KIF24: variants seen among roughly 807,000 people sequenced by gnomAD.
KIF24 encodes the protein kinesin-like protein KIF24.
KIF24 carries 81 observed loss-of-function variants against 118.9 expected under a neutral mutation model. The observed-to-expected ratio is 0.68, with a 90% confidence interval of 0.57 to 0.82. KIF24 has a LOEUF of 0.82. KIF24 is among the 40% of genes least tolerant of loss of function. KIF24 has a pLI of 0.00. For synonymous variants in KIF24, 599 were observed against 610.0 expected, an observed-to-expected ratio of 0.98 and a Z score of 0.27; for missense variants, 1,560 against 1,661.6, an observed-to-expected ratio of 0.94 and a Z score of 1.06.
chr9:34,301,113 A>T (rs909696064), intron 3 of KIF24, among the ~76,000 whole-genome samples: 3 of 152,288 alleles, frequency 2.0e-5, no homozygotes, highest in African/African-American at 7.2e-5. Flanking sequence ...TAAACATGCA[A>T]GATTATTATA....
chr9:34,262,027 G>A (rs1400766888), intron 9 of KIF24, among the ~76,000 whole-genome samples: 3 of 152,094 alleles, frequency 2.0e-5, no homozygotes, highest in African/African-American at 4.8e-5. Context: ...TCAACCTCCA[G>A]GGCTCGAGTA....
At chr9:34,287,852 C>T (rs1157516427) in intron 5 of KIF24, among the ~76,000 whole-genome samples, 1 of 150,326 alleles carries the variant, frequency 6.7e-6, no homozygotes, top group Non-Finnish European at 1.5e-5. Flanking sequence ...GCTATGATTG[C>T]GCCTGTGAAT....
chr9:34,319,051 C>T (rs779448170), intron 1 of KIF24: 19 of 1,277,984 alleles, frequency 1.5e-5, no homozygotes, highest in Non-Finnish European at 1.1e-6. Context: ...AATTCCACCA[C>T]AAGATGGTGG....
intron 3 of KIF24, among the ~76,000 whole-genome samples, chr9:34,298,471 G>A (rs549471927): frequency 2.0e-5 from 3 of 151,844 alleles, no homozygotes; most frequent in South Asian, 2.1e-4. Flanking sequence ...GCTGGAACCC[G>A]GGAGGCAGAG....
At chr9:34,288,596 G>C (rs1341791667) in intron 5 of KIF24, among the ~76,000 whole-genome samples, 1 of 151,818 alleles carries the variant, frequency 6.6e-6, no homozygotes, top group Non-Finnish European at 1.5e-5. Context: ...GTAGGAAATA[G>C]ATTAGATTAG....
chr9:34,331,528 A>G (rs2131851105), upstream of KIF24, among the ~76,000 whole-genome samples: 1 of 152,338 alleles, frequency 6.6e-6, no homozygotes, highest in Middle Eastern at 3.4e-3. Context: ...TGCTTGGAAT[A>G]CCAGACAGAT....
upstream of KIF24, among the ~76,000 whole-genome samples, chr9:34,330,791 C>G (rs1007382162): frequency 1.3e-5 from 2 of 152,028 alleles, no homozygotes; most frequent in Admixed American, 1.3e-4. Flanking sequence ...GAAACCCCGT[C>G]TCTACTAAAA....
Position 34,297,115 on chromosome 9 carries a change from C to A in KIF24, c.814-1G>T. On this transcript the variant is annotated splice_acceptor_variant, in intron 3 of 12. Coordinates refer to ENST00000402558, the MANE Select transcript of KIF24 (RefSeq NM_194313.4). LOFTEE classifies it high-confidence loss of function. ...AGACTTCATCAAAATAAAAAACATG[C>A]TGAAAAATAAATTTGATTTTATGGA... 6.5e-7 allele frequency: 1 copy of A among 1,534,730 alleles called. No homozygotes were observed. The highest frequency in any genetic ancestry group is 8.9e-7 in the Non-Finnish European group (1 of 1,125,364).
rs1834923473 is a variant in KIF24 at position 34,257,966 on chromosome 9, C to T, written c.1641G>A (p.Lys547=). The stretch of plus-strand genomic sequence containing the variant: ...CTGAAGTGCAACACTTAATGCCTTT[C>T]TTTAGTTCTTTGACCCTGTAAATAA... ...LRYADRVKEL[K]KGIKCCTSVT... The change falls in exon 11 of 13, where the codon AAG becomes AAA. Residue 547 remains lysine (K), a synonymous_variant. Coordinates refer to ENST00000402558, the MANE Select transcript of KIF24 (RefSeq NM_194313.4). 1.2e-6 allele frequency: 2 copies of T among 1,602,804 alleles called. No homozygotes were observed. The highest frequency in any genetic ancestry group is 1.7e-6 in the Non-Finnish European group (2 of 1,174,592).
intron 3 of KIF24, among the ~76,000 whole-genome samples, chr9:34,304,295 A>C (rs1434314513): frequency 6.6e-6 from 1 of 152,204 alleles, no homozygotes; most frequent in Non-Finnish European, 1.5e-5. Flanking sequence ...CATAGCATTG[A>C]CAGGTAAGGA....
chr9:34,286,793 AT>A (rs1382290021), intron 5 of KIF24, 89 bp from the exon 6 acceptor site: 1 of 879,092 alleles, frequency 1.1e-6, no homozygotes, highest in African/African-American at 1.6e-5. Context: ...CCATTCCTCT[AT>A]TAAGTAGCAG....
At chr9:34,290,497 A>G (rs945020020) in intron 4 of KIF24, 108 bp from the exon 5 acceptor site, 10 of 670,878 alleles carry the variant, frequency 1.5e-5, no homozygotes, top group Non-Finnish European at 2.2e-5. Context: ...CTTAGAGAAA[A>G]TTCAGCTATA....
At chr9:34,319,580 C>T (rs1326856097) in intron 1 of KIF24, 1 of 1,037,348 alleles carries the variant, frequency 9.6e-7, no homozygotes, top group Non-Finnish European at 1.5e-6. Context: ...TGGTGTGGGA[C>T]ACCCAGAGCG....
At position 34,263,089 on chromosome 9, in the gene KIF24, A is replaced by C; in HGVS notation, c.1515+12T>G. The C allele has an allele frequency of 6.2e-7, 1 of 1,603,218 alleles. No homozygotes were observed. The highest frequency in any genetic ancestry group is 8.5e-7 in the Non-Finnish European group (1 of 1,170,826). Reference sequence around the variant, plus strand: ...GAATCAGAACAAACTCAAGGCTCACATTTAACTTTACCTGAGTTAGTTTGC... The same window carrying C: ...GAATCAGAACAAACTCAAGGCTCACCTTTAACTTTACCTGAGTTAGTTTGC... On this transcript the variant is annotated intron_variant, in intron 9 of 12. Transcript: ENST00000402558.
chr9:34,271,731 CTGT>C, intron 7 of KIF24, 75 bp downstream of exon 7: 1 of 1,489,824 alleles, frequency 6.7e-7, no homozygotes, highest in Non-Finnish European at 9.2e-7. Flanking sequence ...GCAGGGTATC[CTGT>C]TGTTGAGAAA....
Position 34,256,634 on chromosome 9 carries a change from G to T in KIF24, c.2973C>A (p.His991Gln), listed in dbSNP as rs769075200. ...GGTCTGGGGATCCAGGAACTGCAAC[G>T]TGGGACAATGAGATAGTGAAACCAT... is the stretch of plus-strand genomic sequence containing the variant. ...EEDGFTISLS[H>Q]VAVPGSPDQR... The change falls in exon 11 of 13, where the codon CAC becomes CAA. Residue 991 changes from histidine (H) to glutamine (Q), a missense_variant. His to Gln is a conservative substitution (Grantham distance 24). This residue lies in a region of KIF24 where 591 missense variants were observed against 655.6 expected (regional missense o/e 0.90). Transcript: ENST00000402558. The T allele has an allele frequency of 6.2e-7, 1 of 1,613,938 alleles. No homozygotes were observed. The highest frequency in any genetic ancestry group is 1.1e-5 in the South Asian group (1 of 91,082).
At chr9:34,272,800 T>A (rs1019114525) in intron 6 of KIF24, among the ~76,000 whole-genome samples, 2 of 152,256 alleles carry the variant, frequency 1.3e-5, no homozygotes, top group African/African-American at 4.8e-5. Context: ...TTTTAAAAAT[T>A]TTTTGTAGAG....
At chr9:34,255,657 G>C (rs1834799280) in intron 11 of KIF24, 78 bp downstream of exon 11, 2 of 1,312,176 alleles carry the variant, frequency 1.5e-6, no homozygotes, top group African/African-American at 2.9e-5. Context: ...GCTTCTCTTT[G>C]TCCATGACAA....
At position 34,255,067 on chromosome 9, in the gene KIF24, CT is replaced by C; in HGVS notation, c.3966+4del. 6.4e-7 allele frequency: 1 copy of C among 1,572,092 alleles called. No homozygotes were observed. The highest frequency in any genetic ancestry group is 1.2e-5 in the South Asian group (1 of 85,986). On this transcript the variant is annotated splice_donor_region_variant and intron_variant, in intron 12 of 12. Transcript: ENST00000402558. Reference sequence around the variant, plus strand: ...GCCTGTGAGTGTCCAGCCAGGGCTACTTACATTAGAAGCCAGCTGGCTCATC... The same window carrying C: ...GCCTGTGAGTGTCCAGCCAGGGCTACTACATTAGAAGCCAGCTGGCTCATC...
Sources: gnomAD v4.1 joint callset for allele counts (sites outside exome capture counted in the v4.1 genomes callset) on GRCh38, gnomAD v4.1.1 for gene constraint, gnomAD v4.1.1 regional missense constraint, MANE v1.5 for transcripts, NCBI Gene and HGNC (gene_info 2026-07-23, HGNC 2026-07-21) for gene names.